The following PCDH11X variants were observed in gnomAD, a reference collection of about 807,000 sequenced individuals.
PCDH11X encodes the protein protocadherin 11 X-linked.
A neutral mutation model predicts 53.3 loss-of-function variants in PCDH11X; 18 were observed. That is an observed-to-expected ratio of 0.34 (90% CI 0.23 to 0.50). PCDH11X has a LOEUF of 0.50. Ranked by LOEUF, PCDH11X falls within the 20% of genes least tolerant of loss-of-function variation. PCDH11X has a pLI of 0.98. For missense variants in PCDH11X, 570 were observed against 1,032.4 expected, an observed-to-expected ratio of 0.55 and a Z score of 6.14; for synonymous variants, 279 against 393.3, an observed-to-expected ratio of 0.71 and a Z score of 3.44.
intron 6 of PCDH11X, chrX:92,113,978 C>G: frequency 8.3e-7 from 1 of 1,208,634 alleles, no homozygotes; most frequent in Non-Finnish European, 1.1e-6. Flanking sequence ...ATATCAAACA[C>G]ACAGCTAGGG....
At chrX:91,886,477 A>G (rs1339255835) in intron 6 of PCDH11X, among the ~76,000 whole-genome samples, 1 of 110,874 alleles carries the variant, frequency 9.0e-6, no homozygotes, top group Non-Finnish European at 1.9e-5. Context: ...AAAAATACTG[A>G]AATATATTCT....
chrX:92,390,610 T>A (rs760902321), intron 9 of PCDH11X, among the ~76,000 whole-genome samples: 43 of 103,750 alleles, frequency 4.1e-4, no homozygotes, highest in Middle Eastern at 4.8e-3. Context: ...GATAGGAATG[T>A]AAAGTGTCAG....
intron 10 of PCDH11X, among the ~76,000 whole-genome samples, chrX:92,529,116 GA>G (rs1569500853): frequency 6.3e-5 from 7 of 111,436 alleles, no homozygotes; most frequent in Non-Finnish European, 3.8e-5. Context: ...TTTATAGGAT[GA>G]AAAAATTTTC....
intron 10 of PCDH11X, among the ~76,000 whole-genome samples, chrX:92,546,703 A>G (rs1267824549): frequency 1.8e-5 from 2 of 111,548 alleles, no homozygotes; most frequent in Non-Finnish European, 3.8e-5. Context: ...TAAAACATGT[A>G]GGTGTCTGAT....
At chrX:92,247,472 A>G (rs1393510676) in intron 7 of PCDH11X, among the ~76,000 whole-genome samples, 1 of 112,123 alleles carries the variant, frequency 8.9e-6, no homozygotes, top group Admixed American at 9.5e-5. Context: ...GCCATAACAC[A>G]TTGCCACGAA....
At chrX:92,350,097 G>A (rs2070007065) in intron 8 of PCDH11X, among the ~76,000 whole-genome samples, 1 of 110,218 alleles carries the variant, frequency 9.1e-6, no homozygotes, top group Admixed American at 9.7e-5. Flanking sequence ...TTTTATTTAC[G>A]CTATCTATTT....
intron 8 of PCDH11X, among the ~76,000 whole-genome samples, chrX:92,360,020 C>T (rs977989980): frequency 2.7e-5 from 3 of 110,850 alleles, no homozygotes; most frequent in African/African-American, 9.8e-5. Context: ...TTGTTAGCAT[C>T]CTTATTTTCT....
intron 7 of PCDH11X, among the ~76,000 whole-genome samples, chrX:92,221,136 A>C (rs1300691993): frequency 3.9e-5 from 4 of 102,075 alleles, no homozygotes; most frequent in Non-Finnish European, 6.0e-5. Flanking sequence ...CCAGCATGGC[A>C]CATGTATACA....
intron 9 of PCDH11X, among the ~76,000 whole-genome samples, chrX:92,446,296 T>A (rs2072643788): frequency 9.0e-6 from 1 of 111,171 alleles, no homozygotes; most frequent in African/African-American, 3.3e-5. Flanking sequence ...GCATGTACTA[T>A]CTAGAATATT....
At chrX:92,129,981 C>CGCACAT (rs1205114132) in intron 6 of PCDH11X, among the ~76,000 whole-genome samples, 4 of 111,745 alleles carry the variant, frequency 3.6e-5, no homozygotes, top group Non-Finnish European at 7.5e-5. Context: ...CACACGCACA[C>CGCACAT]GCACATGCAC....
chrX:92,245,215 A>T (rs2067326900), intron 7 of PCDH11X, among the ~76,000 whole-genome samples: 1 of 112,571 alleles, frequency 8.9e-6, no homozygotes, highest in African/African-American at 3.2e-5. Flanking sequence ...TAAAGCTCAG[A>T]CCCTATCTTA....
chrX:91,897,382 A>C, intron 6 of PCDH11X, among the ~76,000 whole-genome samples: 1 of 108,310 alleles, frequency 9.2e-6, no homozygotes, highest in South Asian at 4.1e-4. Flanking sequence ...ACCAAATCTA[A>C]GTGTAAAGTA....
At chrX:91,949,693 T>A (rs1025095880) in intron 6 of PCDH11X, among the ~76,000 whole-genome samples, 1 of 110,961 alleles carries the variant, frequency 9.0e-6, no homozygotes, top group Non-Finnish European at 1.9e-5. Flanking sequence ...TCCAGACATA[T>A]TTGATGGTTT....
intron 7 of PCDH11X, among the ~76,000 whole-genome samples, chrX:92,237,244 G>A (rs2067188212): frequency 9.0e-6 from 1 of 110,811 alleles, no homozygotes; most frequent in African/African-American, 3.3e-5. Flanking sequence ...TTAGATTACA[G>A]AAAATGAAAT....
chrX:91,814,278 T>C (rs945674032), intron 4 of PCDH11X, among the ~76,000 whole-genome samples: 18 of 111,343 alleles, frequency 1.6e-4, no homozygotes, highest in African/African-American at 5.5e-4. Flanking sequence ...AGTTTAAGCG[T>C]TTGAAAACCA....
At chrX:92,360,955 A>AT (rs35008853) in intron 8 of PCDH11X, among the ~76,000 whole-genome samples, 19,877 of 103,137 alleles carry the variant, frequency 0.19, 2,373 homozygotes, top group East Asian at 0.64. Context: ...TCTGGGCAGT[A>AT]TTTTTTTTTT....
At chrX:92,492,307 T>G (rs1452954191) in intron 10 of PCDH11X, among the ~76,000 whole-genome samples, 1 of 112,026 alleles carries the variant, frequency 8.9e-6, no homozygotes, top group Non-Finnish European at 1.9e-5. Flanking sequence ...TAACCCACAT[T>G]ATATTAGGAG....
At chrX:91,824,468 G>C (rs1412835971) in intron 4 of PCDH11X, among the ~76,000 whole-genome samples, 2 of 110,611 alleles carry the variant, frequency 1.8e-5, no homozygotes, top group African/African-American at 6.6e-5. Context: ...TGATCGCATC[G>C]GCTCCTGAGG....
chrX:92,291,938 A>G (rs1439676780), intron 8 of PCDH11X, among the ~76,000 whole-genome samples: 1 of 111,450 alleles, frequency 9.0e-6, no homozygotes, highest in Admixed American at 9.5e-5. Context: ...AATTAAAATA[A>G]TTCATTGTCT....
Sources: allele counts gnomAD v4.1 joint callset (sites outside exome capture counted in the v4.1 genomes callset), GRCh38; gene constraint gnomAD v4.1.1; transcripts MANE v1.5; gene names NCBI Gene and HGNC (gene_info 2026-07-23, HGNC 2026-07-21).